LTBP4: variants seen among roughly 807,000 people sequenced by gnomAD.
LTBP4 encodes the protein latent-transforming growth factor beta-binding protein 4.
Under a neutral mutation model 180.2 loss-of-function variants are expected in LTBP4, and 93 were observed. That is an observed-to-expected ratio of 0.52 (90% CI 0.44 to 0.61). The LOEUF (loss-of-function observed/expected upper bound fraction) is 0.61, where lower values mean the gene tolerates loss of function less well. Ranked by LOEUF, LTBP4 falls within the 20% of genes least tolerant of loss-of-function variation. LTBP4 has a pLI of 0.00. For synonymous variants in LTBP4, 947 were observed against 934.5 expected (o/e 1.01, Z -0.24); for missense variants, 2,116 against 2,256.5 (o/e 0.94, Z 1.26).
Position 40,627,288 on chromosome 19 carries a change from TCGGTCCCGGGACACCCGCCGCTCCTTCC to T in LTBP4, c.4301_4328del (p.Arg1434GlnfsTer58). 1.3e-6 allele frequency: 2 copies of T among 1,518,252 alleles called. No individual in the cohort carries two copies. The highest frequency in any genetic ancestry group is 1.8e-6 in the Non-Finnish European group (2 of 1,135,214). 94.0% of individuals were successfully genotyped at this position (1,518,252 alleles called of 1,614,324 possible). ...CTGGCCCGGGCACCCGCTGGCCCTA[TCGGTCCCGGGACACCCGCCGCTCCTTCC>T]CAGAGCCCGAGGAGCCTCCTGAAGG... On this transcript the variant is annotated frameshift_variant, in exon 28 of 30. Transcript: ENST00000396819. LOFTEE classifies it high-confidence loss of function.
At chr19:40,598,661 T>G, upstream of LTBP4, 1 of 183,970 alleles carries the variant, frequency 5.4e-6, no homozygotes, top group South Asian at 9.9e-5. Flanking sequence ...GGATTCTCAG[T>G]CCTGGACTGT....
In LTBP4 at chr19:40,623,039, C is replaced by T; in HGVS notation, c.3556+18C>T. On this transcript the variant is annotated intron_variant, in intron 24 of 29. Coordinates refer to ENST00000396819, the MANE Select transcript of LTBP4 (RefSeq NM_001042545.2). ...CCGGAGAGGTGAGGCCAGCCTTTGA[C>T]CCTCCACCCCACTCAGCTCTGAGGC... The T allele has an allele frequency of 4.4e-6, 7 of 1,590,194 alleles. No homozygotes were observed. The highest frequency in any genetic ancestry group is 6.0e-6 in the Non-Finnish European group (7 of 1,167,366).
At chr19:40,624,626 C>T (rs944803581) in intron 26 of LTBP4, among the ~76,000 whole-genome samples, 1 of 152,074 alleles carries the variant, frequency 6.6e-6, no homozygotes, top group Non-Finnish European at 1.5e-5. Context: ...CTCGAACTCC[C>T]GACCTCAGGT....
chr19:40,608,287 C>G lies in LTBP4; in HGVS notation c.1224C>G (p.Asn408Lys). ...ACTCGGCCTCCGACCTCCGCTACAACACCAGACCCCTGGGCCAGGAGCCAC... is the reference window on the plus strand; with the variant it reads ...ACTCGGCCTCCGACCTCCGCTACAAGACCAGACCCCTGGGCCAGGAGCCAC... ...YHYSASDLRY[N>K]TRPLGQEPPR... The change falls in exon 8 of 30, where the codon AAC becomes AAG. Residue 408 changes from asparagine to lysine, a missense_variant. Physicochemically the swap from Asn to Lys is moderately conservative, Grantham distance 94 (BLOSUM62 0). Around this residue, in one of 5 missense-constraint regions of LTBP4, gnomAD observed 877 missense variants for 873.6 expected, o/e 1.00. Transcript: ENST00000396819. 1 of 1,613,928 alleles carries G rather than the reference C, an allele frequency of 6.2e-7. No individual in the cohort carries two copies.
rs1352036836 is a variant in LTBP4 at position 40,607,448 on chromosome 19, A to C, written c.1075A>C (p.Ile359Leu). The change falls in exon 7 of 30, where the codon ATC becomes CTC. Residue 359 changes from isoleucine to leucine, a missense_variant. Ile to Leu is a conservative substitution (Grantham distance 5). Transcript: ENST00000396819. Reference sequence around the variant, plus strand: ...CTGTTCGCTGCCCATTCTGCGGAACATCACTAAACAGATCTGCTGCTGCAG... The same window carrying C: ...CTGTTCGCTGCCCATTCTGCGGAACCTCACTAAACAGATCTGCTGCTGCAG... ...GGCSLPILRNITKQICCCSRV... is the reference protein window; with the variant it reads ...GGCSLPILRNLTKQICCCSRV... 3 of 1,613,424 alleles carry C rather than the reference A, an allele frequency of 1.9e-6. No individual in the cohort carries two copies. Among genetic ancestry groups the C allele is most frequent in the Non-Finnish European group, 2.5e-6 (3 of 1,179,794 alleles).
chr19:40,624,047 A>AGC lies in LTBP4; in HGVS notation c.3800_3801dup (p.Arg1268AlafsTer95). ...CCCCCACTGGTGCTGGATGGCTCGC[A>AGC]GCGCCGCTGCGTCTCCAACGAGAGC... On this transcript the variant is annotated frameshift_variant, in exon 26 of 30. Transcript: ENST00000396819. LOFTEE classifies it high-confidence loss of function. The AGC allele has an allele frequency of 6.3e-7, 1 of 1,590,622 alleles. No homozygotes were observed. Among genetic ancestry groups the AGC allele is most frequent in the Non-Finnish European group, 8.6e-7 (1 of 1,165,172 alleles).
upstream of LTBP4, chr19:40,600,116 A>G: frequency 7.9e-7 from 1 of 1,259,024 alleles, no homozygotes. The surrounding 1 kb of genome is among the most constrained non-coding windows in gnomAD (Gnocchi z 4.4). Flanking sequence ...CCCGGGGGCC[A>G]GGGGGCCGGG....
In LTBP4 at chr19:40,608,565, G is replaced by A. The variant is rs373632331; in HGVS notation, c.1388G>A (p.Ser463Asn). 4.4e-6 allele frequency: 7 copies of A among 1,602,800 alleles called. No homozygotes were observed. The change falls in exon 9 of 30, where the codon AGC becomes AAC. Residue 463 changes from serine to asparagine, a missense_variant. Transcript: ENST00000396819. ...PRPGPELPLP[S>N]IPAWTGPEIP... Reference sequence around the variant, plus strand: ...CCCGGCCCTGAGCTTCCCTTGCCCAGCATCCCTGCCTGGACTGGTCCTGAG... The same window carrying A: ...CCCGGCCCTGAGCTTCCCTTGCCCAACATCCCTGCCTGGACTGGTCCTGAG...
At chr19:40,608,436 G>C (rs2081479720) in intron 8 of LTBP4, 48 bp from the exon 9 acceptor site, 1 of 1,595,214 alleles carries the variant, frequency 6.3e-7, no homozygotes. Flanking sequence ...AGTGAAAGGA[G>C]GCAAGAGAGG....
chr19:40,594,127 G>A (rs2081379612), intron 1 of LTBP4, among the ~76,000 whole-genome samples: 1 of 152,036 alleles, frequency 6.6e-6, no homozygotes, highest in African/African-American at 2.4e-5. Flanking sequence ...GAGAGAGAGA[G>A]GGAGAGAGAG....
intron 28 of LTBP4, 107 bp downstream of exon 28, chr19:40,627,462 C>G (rs904511556): frequency 1.2e-5 from 17 of 1,368,214 alleles, no homozygotes; most frequent in Non-Finnish European, 1.6e-5. Flanking sequence ...ACAGGTGCAA[C>G]TGGAGAGAGC....
chr19:40,602,292 G>C (rs1445034593), intron 1 of LTBP4, among the ~76,000 whole-genome samples: 1 of 151,348 alleles, frequency 6.6e-6, no homozygotes, highest in Non-Finnish European at 1.5e-5. Flanking sequence ...CCCTGGGGGC[G>C]GAGGGGACAG....
In LTBP4 at chr19:40,627,005, G is replaced by T; in HGVS notation, c.4016G>T (p.Arg1339Leu). ...TTCGAGGCCCTGTGCAATGTGCTAC[G>T]CCCCCCCGCATATAGCCCCCCGCGA... is the stretch of plus-strand genomic sequence containing the variant. Reference protein sequence around the residue: ...DDFEALCNVLRPPAYSPPRPG... With the variant: ...DDFEALCNVLLPPAYSPPRPG... Residue 1339 changes from arginine to leucine, a missense_variant, in exon 28 of 30, where the codon CGC becomes CTC. Physicochemically the swap from Arg to Leu is moderately radical, Grantham distance 102 (BLOSUM62 -2). Transcript: ENST00000396819. 1 of 1,586,774 alleles carries T rather than the reference G, an allele frequency of 6.3e-7. No individual in the cohort carries two copies. The highest frequency in any genetic ancestry group is 2.3e-5 in the East Asian group (1 of 44,416).
rs755310070 is a variant in LTBP4, at chr19:40,624,019, G to A, written c.3769G>A (p.Glu1257Lys). 114 of 1,609,602 alleles carry A rather than the reference G, an allele frequency of 7.1e-5. No individual in the cohort carries two copies. The highest frequency in any genetic ancestry group is 8.9e-5 in the Non-Finnish European group (105 of 1,177,622). ...TGTGGGCTCTTATCACTGTACCTGC[G>A]AGCCCCCACTGGTGCTGGATGGCTC... ...NTVGSYHCTCEPPLVLDGSQR... is the reference protein window; with the variant it reads ...NTVGSYHCTCKPPLVLDGSQR... The change falls in exon 26 of 30, where the codon GAG (glutamate) becomes AAG (lysine). Residue 1257 changes from glutamate to lysine, a missense_variant. Glu to Lys is a moderately conservative substitution (Grantham distance 56). Coordinates refer to ENST00000396819, the MANE Select transcript of LTBP4 (RefSeq NM_001042545.2).
chr19:40,601,308 C>A (rs1304499942), upstream of LTBP4: 1 of 972,386 alleles, frequency 1.0e-6, no homozygotes, highest in African/African-American at 1.8e-5. Context: ...GGCGACCTCC[C>A]CCGCGGGCGG....
chr19:40,600,671 A>T (rs1046412657), upstream of LTBP4, among the ~76,000 whole-genome samples: 8 of 152,136 alleles, frequency 5.3e-5, no homozygotes. The surrounding 1 kb of genome is among the most constrained non-coding windows in gnomAD (Gnocchi z 4.4). Flanking sequence ...CTCTTGCTGT[A>T]GCCTTCAGCC....
At chr19:40,616,716 C>T (rs1046293503) in intron 19 of LTBP4, among the ~76,000 whole-genome samples, 173 bp from the exon 20 acceptor site, 4 of 152,172 alleles carry the variant, frequency 2.6e-5, no homozygotes, top group South Asian at 2.1e-4. Flanking sequence ...AGTGAAAGAG[C>T]GAGACTCCGT....
At chr19:40,608,703 G>A in intron 9 of LTBP4, 100 bp downstream of exon 9, 3 of 1,385,176 alleles carry the variant, frequency 2.2e-6, no homozygotes, top group Non-Finnish European at 3.0e-6. Context: ...ACCAGGTCAG[G>A]AGTTCGAGAC....
In LTBP4 at chr19:40,607,403, C is replaced by G. The variant is rs753093181; in HGVS notation, c.1030C>G (p.Arg344Gly). ...VISEAKGPCFRVLRDGGCSLP... is the reference protein window; with the variant it reads ...VISEAKGPCFGVLRDGGCSLP... The stretch of plus-strand genomic sequence containing the variant: ...CTCAGAGGCCAAAGGGCCCTGCTTC[C>G]GCGTGCTCCGCGACGGCGGCTGTTC... The change falls in exon 7 of 30, where the codon CGC becomes GGC. Residue 344 changes from arginine (R) to glycine (G), a missense_variant. Around this residue, in one of 5 missense-constraint regions of LTBP4, gnomAD observed 469 missense variants for 532.5 expected, o/e 0.88. Coordinates refer to ENST00000396819, the MANE Select transcript of LTBP4 (RefSeq NM_001042545.2). 2.1e-5 allele frequency: 34 copies of G among 1,612,934 alleles called. No homozygotes were observed. The highest frequency in any genetic ancestry group is 1.9e-5 in the Non-Finnish European group (23 of 1,179,598).
Sources: allele counts gnomAD v4.1 joint callset (sites outside exome capture counted in the v4.1 genomes callset), GRCh38; gene constraint gnomAD v4.1.1; regional missense constraint gnomAD v4.1.1; non-coding constraint Gnocchi (gnomAD v3.1); transcripts MANE v1.5; gene names NCBI Gene and HGNC (gene_info 2026-07-23, HGNC 2026-07-21).